Variants in RGS21 observed in about 807,000 individuals in gnomAD.
RGS21 encodes the protein regulator of G protein signaling 21.
In RGS21, 19 loss-of-function variants were observed where a neutral mutation model predicts 18.7. That is an observed-to-expected ratio of 1.01 (90% CI 0.71 to 1.49). The LOEUF (loss-of-function observed/expected upper bound fraction) is 1.49, where lower values mean the gene tolerates loss of function less well. Among genes scored for constraint, RGS21 ranks in the 40% most tolerant of loss-of-function variants. The probability of loss-of-function intolerance (pLI) is 0.00; values close to 1 mark genes in which losing one functional copy is unlikely to be tolerated. For synonymous variants in RGS21, 56 were observed against 57.8 expected, an observed-to-expected ratio of 0.97 and a Z score of 0.14; for missense variants, 194 against 176.8, an observed-to-expected ratio of 1.10 and a Z score of -0.55.
intron 1 of RGS21, among the ~76,000 whole-genome samples, chr1:192,323,420 A>G (rs765212089): frequency 8.5e-5 from 13 of 152,122 alleles, no homozygotes; most frequent in South Asian, 4.1e-4. Flanking sequence ...CACGTTAGGC[A>G]AAAGTTGTGA....
At chr1:192,365,519 G>T (rs1236361379) in intron 4 of RGS21, among the ~76,000 whole-genome samples, 1 of 152,028 alleles carries the variant, frequency 6.6e-6, no homozygotes, top group Non-Finnish European at 1.5e-5. Context: ...TGGAGAATGG[G>T]AATGAGTTGG....
chr1:192,364,607 T>C (rs779029969), intron 4 of RGS21, among the ~76,000 whole-genome samples: 10 of 152,142 alleles, frequency 6.6e-5, no homozygotes, highest in Non-Finnish European at 1.0e-4. Context: ...TCTGTGCCTA[T>C]TGTTTAACCT....
At chr1:192,350,347 A>T (rs1659022196) in intron 3 of RGS21, among the ~76,000 whole-genome samples, 1 of 152,168 alleles carries the variant, frequency 6.6e-6, no homozygotes, top group African/African-American at 2.4e-5. Context: ...ATTTCTATAA[A>T]CTTCACTTTT....
rs572255306 is a variant in RGS21, at chr1:192,344,014, T to A, written c.11+967T>A. Among the ~76,000 whole-genome samples the A allele has an allele frequency of 1.1e-4, 16 of 152,196 alleles. No homozygotes were observed. In the East Asian group the frequency reaches 2.3e-3, roughly 22 times the overall value. ...TTAACATTTATATAGTTACATTTTT[T>A]AAAAACAGAAGATGATATTTCTTAC... On this transcript the variant is annotated intron_variant, in intron 2 of 4. Transcript: ENST00000417209.
At chr1:192,326,952 G>A (rs1454847464) in intron 1 of RGS21, among the ~76,000 whole-genome samples, 3 of 151,996 alleles carry the variant, frequency 2.0e-5, no homozygotes, top group Non-Finnish European at 4.4e-5. Context: ...AAGTTCTAGG[G>A]CTCTTTTATC....
intron 1 of RGS21, among the ~76,000 whole-genome samples, chr1:192,318,726 G>A (rs943678850): frequency 6.6e-6 from 1 of 151,990 alleles, no homozygotes; most frequent in East Asian, 1.9e-4. Context: ...AGGAAAAAAA[G>A]TTTATTGAAA....
At chr1:192,364,842 C>T (rs760976072) in intron 4 of RGS21, among the ~76,000 whole-genome samples, 2 of 152,032 alleles carry the variant, frequency 1.3e-5, no homozygotes, top group Non-Finnish European at 2.9e-5. Flanking sequence ...AGATTAAAAT[C>T]TCTTTTGAGG....
intron 1 of RGS21, among the ~76,000 whole-genome samples, chr1:192,326,311 GAGAA>G (rs1443264882): frequency 1.3e-5 from 2 of 152,098 alleles, no homozygotes; most frequent in Admixed American, 1.3e-4. Flanking sequence ...GAACTGGATA[GAGAA>G]AGAAAGAAGC....
chr1:192,319,917 G>A (rs960998450), intron 1 of RGS21, among the ~76,000 whole-genome samples: 3 of 152,058 alleles, frequency 2.0e-5, no homozygotes, highest in Non-Finnish European at 2.9e-5. Flanking sequence ...GTGACAAAGG[G>A]GAGCTGAAGA....
chr1:192,331,269 T>G (rs952555509), intron 1 of RGS21, among the ~76,000 whole-genome samples: 23 of 152,158 alleles, frequency 1.5e-4, no homozygotes, highest in South Asian at 2.1e-4. Flanking sequence ...TAAATATGAC[T>G]GTGGCTGGGT....
chr1:192,333,820 C>A (rs1366497715), intron 1 of RGS21, among the ~76,000 whole-genome samples: 2 of 152,000 alleles, frequency 1.3e-5, no homozygotes, highest in African/African-American at 2.4e-5. Flanking sequence ...AACACATATA[C>A]CCCAGTGTCA....
At chr1:192,354,594 G>A (rs1341791494) in intron 4 of RGS21, among the ~76,000 whole-genome samples, 1 of 151,692 alleles carries the variant, frequency 6.6e-6, no homozygotes, top group African/African-American at 2.4e-5. Context: ...ACATATTTGA[G>A]ATGGTTGGAA....
intron 4 of RGS21, among the ~76,000 whole-genome samples, chr1:192,356,253 T>C (rs1659111612): frequency 6.6e-6 from 1 of 151,816 alleles, no homozygotes; most frequent in Non-Finnish European, 1.5e-5. Flanking sequence ...TCAATAAATG[T>C]TTTTTATTCT....
At chr1:192,331,892 A>G (rs1323882496) in intron 1 of RGS21, among the ~76,000 whole-genome samples, 2 of 152,068 alleles carry the variant, frequency 1.3e-5, no homozygotes, top group African/African-American at 4.8e-5. Flanking sequence ...AACATTGCAT[A>G]TATCCACAAC....
chr1:192,348,847 AAC>A (rs1311621543), intron 3 of RGS21, among the ~76,000 whole-genome samples: 4 of 152,172 alleles, frequency 2.6e-5, no homozygotes, highest in Non-Finnish European at 5.9e-5. Context: ...AAAAATATAA[AAC>A]ACAATAGAGC....
At chr1:192,347,188 T>G in intron 2 of RGS21, 125 bp from the exon 3 acceptor site, 1 of 628,218 alleles carries the variant, frequency 1.6e-6, no homozygotes, top group South Asian at 2.4e-5. Flanking sequence ...GTATAATTTT[T>G]TGACATTTGG....
chr1:192,363,204 C>A (rs1659210584), intron 4 of RGS21, among the ~76,000 whole-genome samples: 2 of 151,992 alleles, frequency 1.3e-5, no homozygotes, highest in South Asian at 4.1e-4. Context: ...GCCATGAATG[C>A]CAAAATCATG....
chr1:192,339,751 A>G lies in RGS21; in HGVS notation c.-60-3226A>G, dbSNP rs566783983. 5.8e-4 allele frequency among the ~76,000 whole-genome samples: 89 copies of G among 152,204 alleles called. 1 individual carries two copies. The highest frequency in any genetic ancestry group is 2.1e-3 in the African/African-American group (88 of 41,540). ...AACTTTGTTTTGCAATTTCAAGGAGAAAAAACTATGTTACTTTTTAAACTA... is the reference window on the plus strand; with the variant it reads ...AACTTTGTTTTGCAATTTCAAGGAGGAAAAACTATGTTACTTTTTAAACTA... On this transcript the variant is annotated intron_variant, in intron 1 of 4. Coordinates refer to ENST00000417209, the MANE Select transcript of RGS21 (RefSeq NM_001039152.3).
intron 1 of RGS21, among the ~76,000 whole-genome samples, chr1:192,333,925 T>G (rs1658726849): frequency 6.6e-6 from 1 of 152,200 alleles, no homozygotes; most frequent in Non-Finnish European, 1.5e-5. Flanking sequence ...CTGTCTGTTC[T>G]GTCTTTATAT....
Sources: gnomAD v4.1 joint callset for allele counts (sites outside exome capture counted in the v4.1 genomes callset) on GRCh38, gnomAD v4.1.1 for gene constraint, MANE v1.5 for transcripts, NCBI Gene and HGNC (gene_info 2026-07-23, HGNC 2026-07-21) for gene names.